RAP1GDS1: variants seen among roughly 807,000 people sequenced by gnomAD.
RAP1GDS1 encodes the protein Rap1 GTPase-GDP dissociation stimulator 1, also known as RAP1, GTP-GDP dissociation stimulator 1.
In RAP1GDS1, 35 loss-of-function variants were observed where a neutral mutation model predicts 71.1. The observed-to-expected ratio is 0.49, with a 90% CI of 0.38 to 0.65. The LOEUF is 0.65. Ranked by LOEUF, RAP1GDS1 falls within the 30% of genes least tolerant of loss-of-function variation. The pLI is 0.00. For synonymous variants in RAP1GDS1, 229 were observed against 243.1 expected (o/e 0.94, Z 0.54); for missense variants, 663 against 706.1 (o/e 0.94, Z 0.69).
intron 2 of RAP1GDS1, among the ~76,000 whole-genome samples, chr4:98,326,487 A>G (rs1733106856): frequency 6.6e-6 from 1 of 152,294 alleles, no homozygotes; most frequent in East Asian, 1.9e-4. Context: ...ATTTATTCCC[A>G]TTAAACTTTA....
Position 98,391,876 on chromosome 4 carries a change from G to T in RAP1GDS1, c.509-76G>T, listed in dbSNP as rs568324953. The T allele has an allele frequency of 1.4e-3, 1,784 of 1,318,622 alleles. 1 individual carries two copies. The highest frequency in any genetic ancestry group is 1.6e-3 in the Non-Finnish European group (1,596 of 990,084). The allele number at this position is 1,318,622 out of a possible 1,614,324, so 81.7% of individuals were successfully genotyped here. A position where few individuals can be genotyped will look rare whatever the true frequency, so the allele number is the denominator to read the frequency against. On this transcript the variant is annotated intron_variant, in intron 5 of 14. Transcript: ENST00000408927. ...GAGTTTCCAATAGGGAAAATAAGAGGTGTTTTCTTCTTATAATGTTCATTT... is the reference window on the plus strand; with the variant it reads ...GAGTTTCCAATAGGGAAAATAAGAGTTGTTTTCTTCTTATAATGTTCATTT...
At chr4:98,419,886 AAGTGACAAGATTGTT>A (rs762039272) in intron 10 of RAP1GDS1, 118 bp from the exon 11 acceptor site, 4 of 989,108 alleles carry the variant, frequency 4.0e-6, no homozygotes, top group Non-Finnish European at 5.6e-6. Flanking sequence ...ATTGACAAAA[AAGTGACAAGATTGTT>A]TCTAAATGGA....
chr4:98,313,523 C>A (rs1317290070), intron 2 of RAP1GDS1, among the ~76,000 whole-genome samples: 5 of 152,084 alleles, frequency 3.3e-5, no homozygotes, highest in Non-Finnish European at 7.4e-5. Flanking sequence ...GTGAGGAATA[C>A]CTTAGCATTA....
intron 6 of RAP1GDS1, among the ~76,000 whole-genome samples, chr4:98,397,462 C>T (rs1169917329): frequency 6.6e-6 from 1 of 151,974 alleles, no homozygotes; most frequent in Non-Finnish European, 1.5e-5. Context: ...GTGAGACCTC[C>T]CCCCGACCCA....
At chr4:98,304,470 G>A (rs1329350367) in intron 2 of RAP1GDS1, among the ~76,000 whole-genome samples, 1 of 151,892 alleles carries the variant, frequency 6.6e-6, no homozygotes, top group Non-Finnish European at 1.5e-5. Flanking sequence ...TTTTTTTCCT[G>A]TTTGTTGGCC....
chr4:98,392,480 C>T (rs1051285126), intron 6 of RAP1GDS1, among the ~76,000 whole-genome samples: 4 of 152,082 alleles, frequency 2.6e-5, no homozygotes, highest in Non-Finnish European at 4.4e-5. Context: ...TTCGGAAGGC[C>T]GAGGTGGGTG....
chr4:98,272,189 T>G (rs555297586), intron 1 of RAP1GDS1, among the ~76,000 whole-genome samples: 6 of 152,332 alleles, frequency 3.9e-5, no homozygotes, highest in African/African-American at 1.4e-4. Flanking sequence ...TGTAAGTAAT[T>G]GTGGTTTCAG....
chr4:98,350,180 A>C (rs1365593573), intron 3 of RAP1GDS1, among the ~76,000 whole-genome samples: 1 of 152,240 alleles, frequency 6.6e-6, no homozygotes, highest in Non-Finnish European at 1.5e-5. Context: ...GGCAAAACAT[A>C]AAAGAAACAC....
At chr4:98,414,318 A>G (rs1747574891) in intron 7 of RAP1GDS1, among the ~76,000 whole-genome samples, 1 of 140,056 alleles carries the variant, frequency 7.1e-6, no homozygotes, top group African/African-American at 2.9e-5. Flanking sequence ...GGTAATGCCT[A>G]GGTTTTCTTC....
chr4:98,376,688 T>C (rs1235491542), intron 4 of RAP1GDS1, among the ~76,000 whole-genome samples: 1 of 152,032 alleles, frequency 6.6e-6, no homozygotes, highest in Non-Finnish European at 1.5e-5. Flanking sequence ...TGGTTAATAT[T>C]TTTTGAACCC....
At chr4:98,324,433 A>G (rs1366041888) in intron 2 of RAP1GDS1, among the ~76,000 whole-genome samples, 4 of 151,932 alleles carry the variant, frequency 2.6e-5, no homozygotes, top group African/African-American at 7.3e-5. Context: ...TAAAGTTCAT[A>G]TGGAACCAAG....
At chr4:98,388,514 T>C (rs965736066) in intron 5 of RAP1GDS1, among the ~76,000 whole-genome samples, 10 of 152,080 alleles carry the variant, frequency 6.6e-5, no homozygotes, top group Non-Finnish European at 1.3e-4. Context: ...TCGCCTGAGG[T>C]CAGGAGTTCG....
chr4:98,350,018 CTTTGT>C (rs1292366045), intron 3 of RAP1GDS1, among the ~76,000 whole-genome samples: 2 of 152,064 alleles, frequency 1.3e-5, no homozygotes, highest in Non-Finnish European at 2.9e-5. Context: ...AATATATTAG[CTTTGT>C]TTTATCTTTA....
chr4:98,286,886 T>TAAAAAA (rs778410316), intron 1 of RAP1GDS1, among the ~76,000 whole-genome samples: 1 of 90,150 alleles, frequency 1.1e-5, no homozygotes, highest in African/African-American at 4.0e-5. Context: ...AACTCCGTCT[T>TAAAAAA]AAAAAAAAAA....
At chr4:98,290,426 T>C (rs1432287290) in intron 1 of RAP1GDS1, among the ~76,000 whole-genome samples, 1 of 152,104 alleles carries the variant, frequency 6.6e-6, no homozygotes, top group Admixed American at 6.6e-5. Flanking sequence ...GGTCAAATTA[T>C]TTAAATATTA....
chr4:98,372,824 A>G (rs761919484), intron 4 of RAP1GDS1, among the ~76,000 whole-genome samples: 6 of 152,062 alleles, frequency 3.9e-5, no homozygotes, highest in Non-Finnish European at 8.8e-5. Context: ...AGCTAGGACT[A>G]CAAGTGCATG....
chr4:98,284,490 T>G (rs942729330), intron 1 of RAP1GDS1, among the ~76,000 whole-genome samples: 13 of 152,226 alleles, frequency 8.5e-5, no homozygotes, highest in Admixed American at 5.9e-4. Context: ...TTGTACTATT[T>G]TAACCAAACC....
intron 2 of RAP1GDS1, among the ~76,000 whole-genome samples, chr4:98,326,791 C>T (rs1478439556): frequency 2.0e-5 from 3 of 152,104 alleles, no homozygotes; most frequent in Admixed American, 2.0e-4. Context: ...TAGTTTTAGT[C>T]ATGTGAGCCA....
At chr4:98,301,455 A>C (rs1160611932) in intron 2 of RAP1GDS1, among the ~76,000 whole-genome samples, 1 of 152,152 alleles carries the variant, frequency 6.6e-6, no homozygotes, top group Non-Finnish European at 1.5e-5. Context: ...GCATTCTCTA[A>C]AAGTCCACAC....
Sources: allele counts gnomAD v4.1 joint callset (sites outside exome capture counted in the v4.1 genomes callset), GRCh38; gene constraint gnomAD v4.1.1; transcripts MANE v1.5; gene names NCBI Gene and HGNC (gene_info 2026-07-23, HGNC 2026-07-21).